SORCS3: variants seen among roughly 807,000 people sequenced by gnomAD.
The protein encoded by SORCS3 is VPS10 domain-containing receptor SorCS3.
SORCS3 carries 57 observed loss-of-function variants against 146.3 expected under a neutral mutation model. The ratio of observed to expected loss-of-function variants is 0.39; its 90% confidence interval spans 0.31 to 0.49. SORCS3 has a LOEUF of 0.49. SORCS3 is among the 20% of genes least tolerant of loss of function. The pLI, the probability that SORCS3 is intolerant of heterozygous loss-of-function variation, is 0.92. For missense variants in SORCS3, 1,341 were observed against 1,575.5 expected (o/e 0.85, Z 2.52); for synonymous variants, 653 against 618.5 (o/e 1.06, Z -0.83).
intron 14 of SORCS3, among the ~76,000 whole-genome samples, chr10:105,191,945 A>T (rs2056519662): frequency 6.6e-6 from 1 of 152,168 alleles, no homozygotes; most frequent in Non-Finnish European, 1.5e-5. Context: ...CAATGTCTAG[A>T]CTACTTTCAA....
At chr10:105,001,316 C>T (rs1433087336) in intron 4 of SORCS3, among the ~76,000 whole-genome samples, 2 of 152,096 alleles carry the variant, frequency 1.3e-5, no homozygotes, top group South Asian at 2.1e-4. Flanking sequence ...TTTGAATTCA[C>T]GGAAGGAGAA....
chr10:105,196,127 G>A (rs369033198), intron 14 of SORCS3, among the ~76,000 whole-genome samples: 133 of 152,266 alleles, frequency 8.7e-4, no homozygotes, highest in Middle Eastern at 3.4e-3. Context: ...ATCAGTAATG[G>A]ATATCTCAAA....
At chr10:105,179,325 G>A (rs919846745) in intron 14 of SORCS3, among the ~76,000 whole-genome samples, 5 of 152,084 alleles carry the variant, frequency 3.3e-5, no homozygotes, top group African/African-American at 1.2e-4. Context: ...TTTTTTCTCA[G>A]CTTCAGATGG....
chr10:104,644,639 C>G (rs1304126815), intron 1 of SORCS3, among the ~76,000 whole-genome samples: 2 of 152,194 alleles, frequency 1.3e-5, no homozygotes, highest in African/African-American at 2.4e-5. Flanking sequence ...GTCCGTAAAA[C>G]AGAGAACATG....
intron 2 of SORCS3, among the ~76,000 whole-genome samples, chr10:104,851,189 G>T (rs1422792728): frequency 6.6e-6 from 1 of 152,176 alleles, no homozygotes; most frequent in Admixed American, 6.5e-5. Flanking sequence ...CTGGATTACA[G>T]ATTTAATATT....
rs1479449161 is a variant in SORCS3 at position 105,071,150 on chromosome 10, A to G, written c.1029-18625A>G. On this transcript the variant is annotated intron_variant, in intron 5 of 26. Transcript: ENST00000369701. ...AATCATGTGGTATAATAAAACTGTC[A>G]TCAGTCAGCATCATTCCTCTCTGTG... Among the ~76,000 whole-genome samples the G allele has an allele frequency of 2.6e-5, 4 of 151,630 alleles. No individual in the cohort carries two copies. In the East Asian group the frequency reaches 7.7e-4, roughly 29 times the overall value.
intron 1 of SORCS3, among the ~76,000 whole-genome samples, chr10:104,672,285 C>A (rs1441683295): frequency 6.6e-6 from 1 of 151,974 alleles, no homozygotes; most frequent in East Asian, 1.9e-4. Flanking sequence ...ATTTATAGTC[C>A]TTTTTGTTTC....
chr10:104,848,211 C>G (rs2018229682), intron 2 of SORCS3, among the ~76,000 whole-genome samples: 1 of 152,178 alleles, frequency 6.6e-6, no homozygotes, highest in African/African-American at 2.4e-5. Context: ...ATTGAGTTGT[C>G]TCATACTCCT....
At chr10:105,043,186 C>A in intron 5 of SORCS3, 58 bp downstream of exon 5, 2 of 1,432,128 alleles carry the variant, frequency 1.4e-6, no homozygotes, top group Non-Finnish European at 2.0e-6. Context: ...AACAGCGTAG[C>A]ACTCTAGACA....
chr10:105,189,657 T>C (rs972493985), intron 14 of SORCS3, among the ~76,000 whole-genome samples: 2 of 152,174 alleles, frequency 1.3e-5, no homozygotes, highest in African/African-American at 4.8e-5. Context: ...AGCTGAAAGT[T>C]TCCCATGAAG....
rs550022991 is a variant in SORCS3, at chr10:104,780,931, T to C, written c.628-61861T>C. Among the ~76,000 whole-genome samples the C allele has an allele frequency of 1.5e-3, 228 of 152,360 alleles. 3 individuals carry two copies. Among genetic ancestry groups the C allele is most frequent in the African/African-American group, 5.3e-3 (220 of 41,586 alleles). On this transcript the variant is annotated intron_variant, in intron 1 of 26. Coordinates refer to ENST00000369701, the MANE Select transcript of SORCS3 (RefSeq NM_014978.3). ...AACTGTAGAATATTGTTATTATTAC[T>C]ATTTCCAGCACAGCTAGGAATAATA...
intron 1 of SORCS3, among the ~76,000 whole-genome samples, chr10:104,841,974 G>A (rs369187556): frequency 6.6e-6 from 1 of 152,194 alleles, no homozygotes; most frequent in Non-Finnish European, 1.5e-5. Context: ...CTAAGCCACT[G>A]CCCGGATGCA....
intron 2 of SORCS3, among the ~76,000 whole-genome samples, chr10:104,863,200 T>A (rs2018424377): frequency 2.0e-5 from 3 of 151,886 alleles, no homozygotes; most frequent in Admixed American, 1.3e-4. Context: ...AAGCTTTGAG[T>A]GGTTTCTTGG....
intron 2 of SORCS3, among the ~76,000 whole-genome samples, chr10:104,868,664 T>C (rs1000809780): frequency 2.0e-5 from 3 of 152,194 alleles, no homozygotes; most frequent in Admixed American, 6.5e-5. Context: ...CCTGTGACTA[T>C]AGGAGATAAG....
chr10:105,104,466 T>C (rs2055807489), intron 6 of SORCS3, among the ~76,000 whole-genome samples: 1 of 152,162 alleles, frequency 6.6e-6, no homozygotes, highest in African/African-American at 2.4e-5. Context: ...CCCATTCAGC[T>C]ACAGCTGGTA....
intron 11 of SORCS3, among the ~76,000 whole-genome samples, chr10:105,160,303 C>T (rs2056251326): frequency 1.3e-5 from 2 of 152,112 alleles, no homozygotes; most frequent in African/African-American, 4.8e-5. Context: ...AATAGAATTG[C>T]AGGATATAAT....
chr10:104,656,692 T>C (rs944412062), intron 1 of SORCS3, among the ~76,000 whole-genome samples: 22 of 151,106 alleles, frequency 1.5e-4, no homozygotes, highest in African/African-American at 5.4e-4. Context: ...AGAAAAAAAG[T>C]AAAGAGGTGA....
chr10:105,049,842 A>G (rs182430338), intron 5 of SORCS3, among the ~76,000 whole-genome samples: 61 of 152,188 alleles, frequency 4.0e-4, no homozygotes, highest in Non-Finnish European at 7.1e-4. Flanking sequence ...GGGCTGAATA[A>G]CTACCTATTG....
intron 3 of SORCS3, among the ~76,000 whole-genome samples, chr10:104,970,951 A>G (rs927433085): frequency 2.0e-5 from 3 of 152,206 alleles, no homozygotes; most frequent in Non-Finnish European, 4.4e-5. Context: ...TTTAGACTGC[A>G]TGATAGAAAA....
Sources: gnomAD v4.1 joint callset for allele counts (sites outside exome capture counted in the v4.1 genomes callset) on GRCh38, gnomAD v4.1.1 for gene constraint, MANE v1.5 for transcripts, NCBI Gene and HGNC (gene_info 2026-07-23, HGNC 2026-07-21) for gene names.